PRAG1: variants seen among roughly 807,000 people sequenced by gnomAD.
PRAG1 encodes inactive tyrosine-protein kinase PRAG1.
In PRAG1, 110 loss-of-function variants were observed where a neutral mutation model predicts 95.6. The ratio of observed to expected loss-of-function variants is 1.15; its 90% CI spans 0.99 to 1.35. The LOEUF is 1.35. Among genes scored for constraint, PRAG1 ranks in the 40% most tolerant of loss-of-function variants. PRAG1 has a pLI of 0.00. For synonymous variants in PRAG1, 1,052 were observed against 819.4 expected, an observed-to-expected ratio of 1.28 and a Z score of -4.85; for missense variants, 2,554 against 1,864.7, an observed-to-expected ratio of 1.37 and a Z score of -6.81.
chr8:8,339,151 C>A (rs902903524), intron 4 of PRAG1, among the ~76,000 whole-genome samples: 3 of 152,052 alleles, frequency 2.0e-5, no homozygotes, highest in Admixed American at 6.6e-5. Context: ...TGGTTTAGGA[C>A]CCATCCTGAG....
intron 3 of PRAG1, among the ~76,000 whole-genome samples, chr8:8,350,856 T>G (rs1256874346): frequency 6.6e-6 from 1 of 152,130 alleles, no homozygotes; most frequent in Non-Finnish European, 1.5e-5. Flanking sequence ...ATTTATAAAC[T>G]GCTCAAAACA....
chr8:8,318,562 G>C lies in PRAG1; in HGVS notation c.3813C>G (p.Phe1271Leu), dbSNP rs752856573. 1.9e-6 allele frequency: 3 copies of C among 1,613,664 alleles called. No individual in the cohort carries two copies. The highest frequency in any genetic ancestry group is 2.5e-6 in the Non-Finnish European group (3 of 1,179,922). The change falls in exon 6 of 6, where the codon TTC becomes TTG. Residue 1271 changes from phenylalanine to leucine, a missense_variant. Phe to Leu is a conservative substitution (Grantham distance 22). Transcript: ENST00000615670. This position sits in a 1 kb window ranked among gnomAD's most constrained non-coding sequence, Gnocchi z 4.2. ...IYELLHQPNP[F>L]EVRAQLRERD... ...TCTCCCGCAGCTGGGCGCGCACCTC[G>C]AACGGGTTGGGTTGGTGCAGCAGCT... is the stretch of plus-strand genomic sequence containing the variant.
chr8:8,362,370 T>C (rs554988979), intron 3 of PRAG1, among the ~76,000 whole-genome samples: 27 of 152,348 alleles, frequency 1.8e-4, no homozygotes, highest in African/African-American at 6.3e-4. Context: ...AGGAAGTACT[T>C]TGTCACACCC....
chr8:8,341,598 G>GA (rs1174157616), intron 3 of PRAG1, among the ~76,000 whole-genome samples: 8 of 152,042 alleles, frequency 5.3e-5, no homozygotes, highest in African/African-American at 1.7e-4. Flanking sequence ...ACATCTATGG[G>GA]AAAAAAATCA....
chr8:8,378,133 G>C, intron 2 of PRAG1, 55 bp from the exon 3 acceptor site: 2 of 1,495,776 alleles, frequency 1.3e-6, no homozygotes, highest in Non-Finnish European at 1.8e-6. Context: ...ATAGAAAAAA[G>C]AGAGAGAGGA....
At chr8:8,345,795 AAAAAT>A (rs1056790256) in intron 3 of PRAG1, among the ~76,000 whole-genome samples, 17 of 152,174 alleles carry the variant, frequency 1.1e-4, no homozygotes, top group African/African-American at 3.9e-4. Context: ...ACTCTGTCTC[AAAAAT>A]AAAATAAAAT....
chr8:8,319,162 G>T lies in PRAG1; in HGVS notation c.3213C>A (p.Asp1071Glu), dbSNP rs757860764. ...GGTGTGTGGGCAGGGCAGGCACAGG[G>T]TCCTTGGGCGCGTCGGGGGAGCTGA... ...SMLSSPDAPKDPVPALPTHPP... is the reference protein window; with the variant it reads ...SMLSSPDAPKEPVPALPTHPP... The change falls in exon 6 of 6, where the codon GAC (aspartate) becomes GAA (glutamate). Residue 1071 changes from aspartate (D) to glutamate (E), a missense_variant. Physicochemically the swap from Asp to Glu is conservative, Grantham distance 45. Transcript: ENST00000615670. 12 of 1,604,618 alleles carry T rather than the reference G, an allele frequency of 7.5e-6. No homozygotes were observed. The South Asian group carries it at 1.2e-4, about 16-fold the overall frequency.
Position 8,376,535 on chromosome 8 carries a change from C to A in PRAG1, c.1874G>T (p.Arg625Leu). ...CCAGGTGCCTGCCTGGAACCTGGGC[C>A]GCCTCTGTTCCGAGGCTGACGAGGC... The part of the protein sequence containing the change: ...PAASSASEQR[R>L]PRFQAGTWSR... The change falls in exon 3 of 6, where the codon CGG becomes CTG. Residue 625 changes from arginine to leucine, a missense_variant. Transcript: ENST00000615670. 1 of 1,609,464 alleles carries A rather than the reference C, an allele frequency of 6.2e-7. No individual in the cohort carries two copies. The highest frequency in any genetic ancestry group is 1.7e-4 in the Middle Eastern group (1 of 6,044).
Position 8,376,345 on chromosome 8 carries a change from C to T in PRAG1, c.2064G>A (p.Gly688=). Reference sequence around the variant, plus strand: ...AAGAGGCGGATTTGCTCATCCCGGTCCCAACTTTGCTGTTCTGCCCAGAGG... The same window carrying T: ...AAGAGGCGGATTTGCTCATCCCGGTTCCAACTTTGCTGTTCTGCCCAGAGG... The part of the protein sequence containing the change: ...DGSSGQNSKV[G]TGMSKSASFA... The change falls in exon 3 of 6, where the codon GGG becomes GGA. Residue 688 remains glycine, a synonymous_variant. Transcript: ENST00000615670. The T allele has an allele frequency of 6.2e-7, 1 of 1,614,208 alleles. No homozygotes were observed. The highest frequency in any genetic ancestry group is 8.5e-7 in the Non-Finnish European group (1 of 1,180,034).
rs542096730 is a variant in PRAG1, at chr8:8,338,218, T to G, written c.2320+1260A>C. 2.2e-4 allele frequency among the ~76,000 whole-genome samples: 34 copies of G among 152,334 alleles called. No individual in the cohort carries two copies. The South Asian group carries it at 6.8e-3, about 31-fold the overall frequency. ...TCCCATCCACCCATGTACCATGTGTTTTAACCTTATCTTTCCTAGTCAGTT... is the reference window on the plus strand; with the variant it reads ...TCCCATCCACCCATGTACCATGTGTGTTAACCTTATCTTTCCTAGTCAGTT... On this transcript the variant is annotated intron_variant, in intron 4 of 5. Coordinates refer to ENST00000615670, the MANE Select transcript of PRAG1 (RefSeq NM_001080826.3).
At chr8:8,348,658 T>C (rs577025759) in intron 3 of PRAG1, among the ~76,000 whole-genome samples, 104 of 152,186 alleles carry the variant, frequency 6.8e-4, no homozygotes, top group African/African-American at 2.0e-3. Context: ...ACCATCTCCA[T>C]CCTCAAAACC....
At chr8:8,325,707 G>T (rs549230673) in intron 5 of PRAG1, among the ~76,000 whole-genome samples, 30 of 152,002 alleles carry the variant, frequency 2.0e-4, no homozygotes, top group Non-Finnish European at 4.1e-4. Flanking sequence ...TCAGGAGTTC[G>T]AGACCAGCCT....
rs1470559658 is a variant in PRAG1, at chr8:8,373,454, A to ATTGTTTTTTTTGTT, written c.2162+2792_2162+2793insAACAAAAAAAACAA. Among the ~76,000 whole-genome samples the ATTGTTTTTTTTGTT allele has an allele frequency of 4.3e-5, 6 of 138,342 alleles. 2 individuals are homozygous for ATTGTTTTTTTTGTT. The highest frequency in any genetic ancestry group is 1.7e-4 in the African/African-American group (6 of 36,340). The allele number at this position is 138,342 out of a possible 152,430, so 90.8% of individuals were successfully genotyped here. On this transcript the variant is annotated intron_variant, in intron 3 of 5. Transcript: ENST00000615670. ...CTCTTAAGCTAATTTTATTTTCTAG[A>ATTGTTTTTTTTGTT]TTTTTTTTTTTTTGAGACAGGGTCT...
chr8:8,339,203 C>T (rs1407379822), intron 4 of PRAG1, among the ~76,000 whole-genome samples: 1 of 152,154 alleles, frequency 6.6e-6, no homozygotes, highest in Non-Finnish European at 1.5e-5. Flanking sequence ...TGGCTCATTA[C>T]CCAAGGAAAT....
chr8:8,377,414 G>T lies in PRAG1; in HGVS notation c.995C>A (p.Ser332Ter), dbSNP rs778690956. The part of the protein sequence containing the change: ...CLGPKKLSLT[S>*]EAAISSDGLS... ...GCCGTCGGAAGAAATGGCAGCCTCCGAGGTGAGGGACAGTTTCTTGGGGCC... is the reference window on the plus strand; with the variant it reads ...GCCGTCGGAAGAAATGGCAGCCTCCTAGGTGAGGGACAGTTTCTTGGGGCC... Residue 332 changes from serine to a stop codon, truncating the protein, a stop_gained, in exon 3 of 6, where the codon TCG (serine) becomes TAG (stop). Transcript: ENST00000615670. LOFTEE classifies it high-confidence loss of function. 1 of 1,571,756 alleles carries T rather than the reference G, an allele frequency of 6.4e-7. No individual in the cohort carries two copies. Among genetic ancestry groups the T allele is most frequent in the Admixed American group, 1.8e-5 (1 of 55,334 alleles).
intron 4 of PRAG1, among the ~76,000 whole-genome samples, chr8:8,339,095 CAA>C (rs1272992410): frequency 6.7e-6 from 1 of 149,632 alleles, no homozygotes; most frequent in Non-Finnish European, 1.5e-5. Flanking sequence ...CATGTAGATG[CAA>C]AAGAGAGAGA....
chr8:8,319,902 C>G (rs143479874), intron 5 of PRAG1, among the ~76,000 whole-genome samples: 1 of 152,234 alleles, frequency 6.6e-6, no homozygotes, highest in African/African-American at 2.4e-5. Context: ...GATATCAGTT[C>G]ACGCCCACTA....
At position 8,381,456 on chromosome 8, in the gene PRAG1, C is replaced by A. The variant is rs771730944; in HGVS notation, c.292G>T (p.Val98Leu). The change falls in exon 2 of 6, where the codon GTG becomes TTG. Residue 98 changes from valine (V) to leucine (L), a missense_variant. Physicochemically the swap from Val to Leu is conservative, Grantham distance 32. Coordinates refer to ENST00000615670, the MANE Select transcript of PRAG1 (RefSeq NM_001080826.3). The stretch of plus-strand genomic sequence containing the variant: ...GCACTCAGGTTGGCCTCTGTCCACA[C>A]ATCAGAGGCCTCGGAGCTCATCATG... ...PTMMSSEASD[V>L]WTEANLSAEV... The A allele has an allele frequency of 2.1e-5, 34 of 1,614,040 alleles. No homozygotes were observed. The highest frequency in any genetic ancestry group is 3.3e-4 in the Middle Eastern group (2 of 6,084).
intron 4 of PRAG1, among the ~76,000 whole-genome samples, chr8:8,330,905 C>T (rs928841623): frequency 6.6e-6 from 1 of 152,184 alleles, no homozygotes; most frequent in South Asian, 2.1e-4. Flanking sequence ...TTATGAGGCT[C>T]TCAAAGGACT....
Sources: gnomAD v4.1 joint callset for allele counts (sites outside exome capture counted in the v4.1 genomes callset) on GRCh38, gnomAD v4.1.1 for gene constraint, Gnocchi (gnomAD v3.1) non-coding constraint, MANE v1.5 for transcripts, NCBI Gene and HGNC (gene_info 2026-07-23, HGNC 2026-07-21) for gene names.